GLRA2: variants seen among roughly 807,000 people sequenced by gnomAD.
GLRA2 encodes the protein glycine receptor alpha 2.
A neutral mutation model predicts 31.6 loss-of-function variants in GLRA2; 11 were observed. The ratio of observed to expected loss-of-function variants is 0.35; its 90% confidence interval spans 0.22 to 0.58. The LOEUF (loss-of-function observed/expected upper bound fraction) is 0.58. GLRA2 is among the 20% of genes least tolerant of loss of function. The probability of loss-of-function intolerance (pLI) is 0.84; values close to 1 mark genes in which losing one functional copy is unlikely to be tolerated. For missense variants in GLRA2, 212 were observed against 351.8 expected, an observed-to-expected ratio of 0.60 and a Z score of 3.18; for synonymous variants, 132 against 134.0, an observed-to-expected ratio of 0.99 and a Z score of 0.10.
intron 7 of GLRA2, among the ~76,000 whole-genome samples, chrX:14,615,633 T>C (rs754394657): frequency 9.0e-6 from 1 of 110,789 alleles, no homozygotes; most frequent in East Asian, 2.9e-4. Context: ...GAGCTGAATC[T>C]ACGAGGCATA....
the GLRA2 span, among the ~76,000 whole-genome samples, chrX:14,450,870 C>T: frequency 9.0e-6 from 1 of 111,386 alleles, no homozygotes; most frequent in Non-Finnish European, 1.9e-5. Context: ...ACCACCACAC[C>T]CAGCTAATTT....
chrX:14,613,217 C>T (rs752608203), intron 7 of GLRA2, among the ~76,000 whole-genome samples: 15 of 111,412 alleles, frequency 1.3e-4, no homozygotes, highest in Admixed American at 7.6e-4. Flanking sequence ...TCTTACTGTT[C>T]CCTGTCCATA....
In GLRA2 at chrX:14,566,652, A is replaced by G. The variant is rs55776384; in HGVS notation, c.203-7681A>G. 5.7e-3 allele frequency among the ~76,000 whole-genome samples: 640 copies of G among 111,756 alleles called. 6 individuals are homozygous for G. Among genetic ancestry groups the G allele is most frequent in the African/African-American group, 0.019 (595 of 30,769 alleles). On this transcript the variant is annotated intron_variant, in intron 2 of 8. Transcript: ENST00000218075. ...TCTTCTTCCCACCTGAATGGTAGCC[A>G]GAGGTAAAACTTAGAGGCATCTCTC...
intron 7 of GLRA2, among the ~76,000 whole-genome samples, chrX:14,670,803 G>A (rs2091084681): frequency 1.8e-5 from 2 of 111,529 alleles, no homozygotes; most frequent in African/African-American, 6.5e-5. Context: ...GTCAACAGGA[G>A]TAATTTGTAC....
intron 7 of GLRA2, among the ~76,000 whole-genome samples, chrX:14,687,933 T>C (rs1358033271): frequency 8.9e-6 from 1 of 112,243 alleles, no homozygotes; most frequent in African/African-American, 3.2e-5. Context: ...TTTGTGGTTT[T>C]ATCTACCTTT....
intron 7 of GLRA2, among the ~76,000 whole-genome samples, chrX:14,687,973 G>C: frequency 8.9e-6 from 1 of 112,153 alleles, no homozygotes; most frequent in Middle Eastern, 4.6e-3. Context: ...GTACAGATGG[G>C]GTTTTGGTGT....
intron 7 of GLRA2, among the ~76,000 whole-genome samples, chrX:14,672,570 G>T (rs1239251397): frequency 2.7e-5 from 3 of 110,381 alleles, no homozygotes; most frequent in Admixed American, 9.7e-5. Flanking sequence ...TGTGCTTCTG[G>T]TTTTTTTGTT....
At chrX:14,658,073 T>C (rs1372867881) in intron 7 of GLRA2, among the ~76,000 whole-genome samples, 1 of 111,705 alleles carries the variant, frequency 9.0e-6, no homozygotes, top group Non-Finnish European at 1.9e-5. Flanking sequence ...AACCCCAGCA[T>C]TTCTGATTCC....
chrX:14,528,525 C>T (rs1342871917), upstream of GLRA2, among the ~76,000 whole-genome samples: 3 of 111,802 alleles, frequency 2.7e-5, no homozygotes, highest in Non-Finnish European at 3.8e-5. Context: ...GCTAATTATC[C>T]GCATTGGACT....
In GLRA2 at chrX:14,661,554, A is replaced by G. The variant is rs541857092; in HGVS notation, c.931-29156A>G. On this transcript the variant is annotated intron_variant, in intron 7 of 8. Transcript: ENST00000218075. Reference sequence around the variant, plus strand: ...AAAAATAATAACTTCTAGGAAGTAGATAACTTTATTATAGCTTAATTTAAA... The same window carrying G: ...AAAAATAATAACTTCTAGGAAGTAGGTAACTTTATTATAGCTTAATTTAAA... Among the ~76,000 whole-genome samples the G allele has an allele frequency of 1.2e-4, 13 of 112,243 alleles. No homozygotes were observed. The South Asian group carries it at 4.8e-3, about 42-fold the overall frequency.
the GLRA2 span, among the ~76,000 whole-genome samples, chrX:14,454,056 T>C: frequency 9.1e-6 from 1 of 110,411 alleles, no homozygotes. Context: ...GAAAGGTGAG[T>C]TGGTTTTAAG....
intron 7 of GLRA2, among the ~76,000 whole-genome samples, chrX:14,613,461 T>G (rs1473654852): frequency 1.8e-5 from 2 of 110,813 alleles, no homozygotes; most frequent in Non-Finnish European, 3.8e-5. Context: ...CAAAAATATT[T>G]TTAAAAAACA....
At chrX:14,634,047 C>A (rs1292488360) in intron 7 of GLRA2, among the ~76,000 whole-genome samples, 1 of 111,891 alleles carries the variant, frequency 8.9e-6, no homozygotes, top group Non-Finnish European at 1.9e-5. Flanking sequence ...CTCACTGGTT[C>A]AAGCGATTCT....
chrX:14,712,504 T>C (rs1170329896), intron 8 of GLRA2, among the ~76,000 whole-genome samples: 3 of 109,433 alleles, frequency 2.7e-5, no homozygotes, highest in African/African-American at 6.7e-5. Flanking sequence ...TCACTCTTAA[T>C]TGAAAAAAAA....
intron 7 of GLRA2, among the ~76,000 whole-genome samples, chrX:14,663,150 A>G (rs1008463532): frequency 6.3e-5 from 7 of 111,204 alleles, no homozygotes; most frequent in East Asian, 2.8e-4. Context: ...CTTGAGTACA[A>G]TGTTGCATAA....
chrX:14,487,387 T>TAAA, the GLRA2 span, among the ~76,000 whole-genome samples: 32 of 27,908 alleles, frequency 1.1e-3, no homozygotes, highest in African/African-American at 2.5e-3. Flanking sequence ...TGGTTTTCTG[T>TAAA]AAAAAAAAAA....
chrX:14,578,254 A>G (rs1488483527), intron 3 of GLRA2, among the ~76,000 whole-genome samples: 5 of 111,796 alleles, frequency 4.5e-5, no homozygotes, highest in African/African-American at 1.6e-4. Context: ...GTTGCTATCC[A>G]GTCTGCCCTT....
chrX:14,729,302 A>G (rs764271515), intron 8 of GLRA2, among the ~76,000 whole-genome samples: 26 of 111,528 alleles, frequency 2.3e-4, no homozygotes, highest in Non-Finnish European at 4.0e-4. Flanking sequence ...AAGATAATTC[A>G]ATTGATGGCT....
chrX:14,525,791 C>T (rs1297206106), upstream of GLRA2, among the ~76,000 whole-genome samples: 3 of 111,888 alleles, frequency 2.7e-5, no homozygotes, highest in Admixed American at 9.5e-5. Flanking sequence ...AATTCCCTAA[C>T]AAGTAGTTTT....
Sources: gnomAD v4.1 joint callset for allele counts (sites outside exome capture counted in the v4.1 genomes callset) on GRCh38, gnomAD v4.1.1 for gene constraint, MANE v1.5 for transcripts, NCBI Gene and HGNC (gene_info 2026-07-23, HGNC 2026-07-21) for gene names.